ZNF778: variants seen among roughly 807,000 people sequenced by gnomAD.
ZNF778 encodes the protein zinc finger protein 778.
ZNF778 carries 37 observed loss-of-function variants against 23.9 expected under a neutral mutation model. The observed-to-expected ratio is 1.54, with a 90% CI of 1.19 to 2.03. ZNF778 has a LOEUF of 2.03. Ranked by LOEUF, ZNF778 falls within the 30% of genes most tolerant of loss-of-function variation. The pLI, the probability that ZNF778 is intolerant of heterozygous loss-of-function variation, is 0.00. For missense variants in ZNF778, 1,297 were observed against 934.4 expected (o/e 1.39, Z -5.06); for synonymous variants, 483 against 343.9 (o/e 1.40, Z -4.48).
Position 89,234,031 on chromosome 16 carries a change from T to A in ZNF778, c.*5469T>A. ...CTGTGAAAACCCTGTGGCCTCTGCCTCCCCTGGCTCTGACTTCTGCCTCCT... is the reference window on the plus strand; with the variant it reads ...CTGTGAAAACCCTGTGGCCTCTGCCACCCCTGGCTCTGACTTCTGCCTCCT... On this transcript the variant is annotated 3_prime_UTR_variant, in exon 7 of 7. Transcript: ENST00000433976. 2 of 1,005,164 alleles carry A rather than the reference T, an allele frequency of 2.0e-6. No individual in the cohort carries two copies. Among genetic ancestry groups the A allele is most frequent in the Non-Finnish European group, 2.7e-6 (2 of 729,172 alleles). 62.3% of individuals were successfully genotyped at this position (1,005,164 alleles called of 1,614,324 possible).
intron 6 of ZNF778, among the ~76,000 whole-genome samples, chr16:89,226,097 A>G (rs553967793): frequency 6.6e-6 from 1 of 151,350 alleles, no homozygotes; most frequent in South Asian, 2.1e-4. Flanking sequence ...TTTTTAGTAG[A>G]GACGGGGTTT....
intron 1 of ZNF778, chr16:89,218,298 C>G (rs549340835): frequency 6.6e-5 from 10 of 152,244 alleles, no homozygotes; most frequent in Non-Finnish European, 1.2e-4. Context: ...CCACTGCAAT[C>G]GTTTTACTCC....
At chr16:89,224,915 G>C (rs921150490) in intron 5 of ZNF778, 113 bp downstream of exon 5, 1 of 757,608 alleles carries the variant, frequency 1.3e-6, no homozygotes, top group Non-Finnish European at 2.2e-6. Flanking sequence ...GGCTGTGGGA[G>C]GATCCTGAGT....
At position 89,228,729 on chromosome 16, in the gene ZNF778, G is replaced by T. The variant is rs2031730468; in HGVS notation, c.*167G>T. 2 of 1,425,010 alleles carry T rather than the reference G, an allele frequency of 1.4e-6. No individual in the cohort carries two copies. The highest frequency in any genetic ancestry group is 1.4e-5 in the African/African-American group (1 of 69,478). The allele number at this position is 1,425,010 out of a possible 1,614,324, so 88.3% of individuals were successfully genotyped here. A position where few individuals can be genotyped will look rare whatever the true frequency, so the allele number is the denominator to read the frequency against. ...CCTGGAGCCCTATGCAGCAGACACAGAGAAAGCCCTCAGTGTTCTCTAAGG... is the reference window on the plus strand; with the variant it reads ...CCTGGAGCCCTATGCAGCAGACACATAGAAAGCCCTCAGTGTTCTCTAAGG... On this transcript the variant is annotated 3_prime_UTR_variant, in exon 7 of 7. Coordinates refer to ENST00000433976, the MANE Select transcript of ZNF778 (RefSeq NM_001201407.2).
In ZNF778 at chr16:89,222,076, CTTCT is replaced by C. The variant is rs1417225343; in HGVS notation, c.26-13_26-10del. On this transcript the variant is annotated splice_polypyrimidine_tract_variant and intron_variant, in intron 2 of 6. Coordinates refer to ENST00000433976, the MANE Select transcript of ZNF778 (RefSeq NM_001201407.2). ...GCTCTGGGTTCTCATGCCTTCTTGC[CTTCT>C]TTGTTTTTTAGGAGGTCATGTTTCT... 1.3e-6 allele frequency: 2 copies of C among 1,576,454 alleles called. No individual in the cohort carries two copies. The highest frequency in any genetic ancestry group is 1.7e-6 in the Non-Finnish European group (2 of 1,155,066).
At chr16:89,225,402 A>G (rs1415705682) in intron 5 of ZNF778, among the ~76,000 whole-genome samples, 153 bp from the exon 6 acceptor site, 3 of 152,064 alleles carry the variant, frequency 2.0e-5, no homozygotes, top group Non-Finnish European at 4.4e-5. Flanking sequence ...AAAATCTTCT[A>G]AATTATGACT....
intron 3 of ZNF778, among the ~76,000 whole-genome samples, chr16:89,222,893 G>A (rs907716132): frequency 1.1e-5 from 1 of 94,936 alleles, no homozygotes; most frequent in Admixed American, 1.4e-4. Context: ...GCGGCCGTGT[G>A]ACTGGAGGAG....
Position 89,233,365 on chromosome 16 carries a change from TCG to T in ZNF778, c.*4805_*4806del. The T allele has an allele frequency of 1.2e-6, 1 of 800,916 alleles. No homozygotes were observed. The highest frequency in any genetic ancestry group is 3.1e-5 in the Admixed American group (1 of 31,882). 49.6% of individuals were successfully genotyped at this position (800,916 alleles called of 1,614,324 possible). A position where few individuals can be genotyped will look rare whatever the true frequency, so the allele number is the denominator to read the frequency against. On this transcript the variant is annotated 3_prime_UTR_variant, in exon 7 of 7. Transcript: ENST00000433976. ...ACTCAGCTCGCACTGCGTATGCAAC[TCG>T]CACTGCGTATGCAACTCAACTCGCA...
intron 1 of ZNF778, among the ~76,000 whole-genome samples, chr16:89,218,913 G>T (rs1425228703): frequency 6.6e-6 from 1 of 152,202 alleles, no homozygotes; most frequent in South Asian, 2.1e-4. Flanking sequence ...TTCAAGACCA[G>T]CCTGACTAAC....
In ZNF778 at chr16:89,230,474, C is replaced by G. The variant is rs1265348654; in HGVS notation, c.*1912C>G. 2.0e-5 allele frequency: 3 copies of G among 151,980 alleles called. No homozygotes were observed. Among genetic ancestry groups the G allele is most frequent in the African/African-American group, 7.3e-5 (3 of 41,290 alleles). 9.4% of individuals were successfully genotyped at this position (151,980 alleles called of 1,614,324 possible). On this transcript the variant is annotated 3_prime_UTR_variant, in exon 7 of 7. Coordinates refer to ENST00000433976, the MANE Select transcript of ZNF778 (RefSeq NM_001201407.2). ...GCACTGATGAGGCAGCTGCTGTGAT[C>G]CGGCATTCATGGGGCAGCTGCTGCG...
Position 89,226,871 on chromosome 16 carries a change from G to C in ZNF778, c.583G>C (p.Glu195Gln). ...CCAGAAAACCTTGTTCAAAATTGGA[G>C]AGCAGTTTTCCGTGTTGGGTCAGTG... ...PCQKTLFKIG[E>Q]QFSVLGQCGK... Residue 195 changes from glutamate (E) to glutamine (Q), a missense_variant, in exon 7 of 7, where the codon GAG becomes CAG. Physicochemically the swap from Glu to Gln is conservative, Grantham distance 29. Transcript: ENST00000433976. 6.2e-7 allele frequency: 1 copy of C among 1,614,026 alleles called. No individual in the cohort carries two copies. The highest frequency in any genetic ancestry group is 2.2e-5 in the East Asian group (1 of 44,878).
At position 89,227,765 on chromosome 16, in the gene ZNF778, A is replaced by T. The variant is rs1261356778; in HGVS notation, c.1477A>T (p.Thr493Ser). 3 of 1,613,168 alleles carry T rather than the reference A, an allele frequency of 1.9e-6. No individual in the cohort carries two copies. In the South Asian group the frequency reaches 3.3e-5, roughly 18 times the overall value. ...GKSFTVSSSL[T>S]EHARIHTGEK... ...ATCCTTCACTGTTTCTTCAAGCCTG[A>T]CTGAGCACGCGAGAATCCATACCGG... The change falls in exon 7 of 7, where the codon ACT becomes TCT. Residue 493 changes from threonine (T) to serine (S), a missense_variant. By Grantham distance (58) the Thr-to-Ser change is moderately conservative. Transcript: ENST00000433976.
rs190701309 is a variant in ZNF778, at chr16:89,235,435, G to A, written c.*6873G>A. ...GGCCTGTGAGGTTGACCACTCTGTA[G>A]GTGGACGAGCCTCGCCCGAGAAGAG... On this transcript the variant is annotated 3_prime_UTR_variant, in exon 7 of 7. Coordinates refer to ENST00000433976, the MANE Select transcript of ZNF778 (RefSeq NM_001201407.2). 6.6e-5 allele frequency: 10 copies of A among 152,350 alleles called. No individual in the cohort carries two copies. The highest frequency in any genetic ancestry group is 2.2e-4 in the African/African-American group (9 of 41,566). 9.4% of individuals were successfully genotyped at this position (152,350 alleles called of 1,614,324 possible). A position where few individuals can be genotyped will look rare whatever the true frequency, so the allele number is the denominator to read the frequency against.
In ZNF778 at chr16:89,234,126, A is replaced by C. The variant is rs948023663; in HGVS notation, c.*5564A>C. The C allele has an allele frequency of 5.2e-5, 25 of 477,844 alleles. No homozygotes were observed. Among genetic ancestry groups the C allele is most frequent in the Admixed American group, 1.5e-4 (6 of 41,170 alleles). The allele number at this position is 477,844 out of a possible 1,614,324, so 29.6% of individuals were successfully genotyped here. On this transcript the variant is annotated 3_prime_UTR_variant, in exon 7 of 7. Coordinates refer to ENST00000433976, the MANE Select transcript of ZNF778 (RefSeq NM_001201407.2). ...CCGCCTTCTCTTGACACTGTGAGTG[A>C]TAAACTTTCCATGTCAGGAACCTGT... is the stretch of plus-strand genomic sequence containing the variant.
Position 89,231,248 on chromosome 16 carries a change from A to T in ZNF778, c.*2686A>T, listed in dbSNP as rs929415489. ...GGCTCCTGGACTGGTCTCAGGTGACATCCTGATTGGCTGAAATAAGTCCTG... is the reference window on the plus strand; with the variant it reads ...GGCTCCTGGACTGGTCTCAGGTGACTTCCTGATTGGCTGAAATAAGTCCTG... On this transcript the variant is annotated 3_prime_UTR_variant, in exon 7 of 7. Coordinates refer to ENST00000433976, the MANE Select transcript of ZNF778 (RefSeq NM_001201407.2). 10 of 152,294 alleles carry T rather than the reference A, an allele frequency of 6.6e-5. No homozygotes were observed. The highest frequency in any genetic ancestry group is 2.4e-4 in the African/African-American group (10 of 41,458). 9.4% of individuals were successfully genotyped at this position (152,294 alleles called of 1,614,324 possible).
chr16:89,229,721 G>A lies in ZNF778; in HGVS notation c.*1159G>A, dbSNP rs2031807711. ...TGGTTAGTCTTGAGGATCCAGATGT[G>A]ATCCTGTGTGAGCAGCGTAGGCTCT... On this transcript the variant is annotated 3_prime_UTR_variant, in exon 7 of 7. Transcript: ENST00000433976. 1.0e-6 allele frequency: 1 copy of A among 984,412 alleles called. No homozygotes were observed. Among genetic ancestry groups the A allele is most frequent in the Admixed American group, 6.2e-5 (1 of 16,186 alleles). 61.0% of individuals were successfully genotyped at this position (984,412 alleles called of 1,614,324 possible).
At position 89,226,843 on chromosome 16, in the gene ZNF778, A is replaced by G. The variant is rs779057917; in HGVS notation, c.555A>G (p.Pro185=). 10 of 1,614,010 alleles carry G rather than the reference A, an allele frequency of 6.2e-6. No individual in the cohort carries two copies. Among genetic ancestry groups the G allele is most frequent in the African/African-American group, 4.0e-5 (3 of 75,038 alleles). The change falls in exon 7 of 7, where the codon CCA becomes CCG. Residue 185 remains proline, a synonymous_variant. Coordinates refer to ENST00000433976, the MANE Select transcript of ZNF778 (RefSeq NM_001201407.2). The part of the protein sequence containing the change: ...SNHYERDFFI[P]CQKTLFKIGE... The stretch of plus-strand genomic sequence containing the variant: ...ATTATGAAAGGGACTTTTTTATTCC[A>G]TGCCAGAAAACCTTGTTCAAAATTG...
At position 89,223,429 on chromosome 16, in the gene ZNF778, G is replaced by A. The variant is rs2151631648; in HGVS notation, c.244+146G>A. ...TGCTAGTAGGCTTGGTGCTAGTGTG[G>A]TCGTTTCCAGAATGTGGTCCTGGGG... is the stretch of plus-strand genomic sequence containing the variant. On this transcript the variant is annotated intron_variant, in intron 4 of 6. Transcript: ENST00000433976. 6 of 1,130,216 alleles carry A rather than the reference G, an allele frequency of 5.3e-6. No individual in the cohort carries two copies. In the East Asian group the frequency reaches 1.2e-4, roughly 23 times the overall value. The allele number at this position is 1,130,216 out of a possible 1,614,324, so 70.0% of individuals were successfully genotyped here. A position where few individuals can be genotyped will look rare whatever the true frequency, so the allele number is the denominator to read the frequency against.
At position 89,233,668 on chromosome 16, in the gene ZNF778, C is replaced by T; in HGVS notation, c.*5106C>T. 7.8e-7 allele frequency: 1 copy of T among 1,286,810 alleles called. No individual in the cohort carries two copies. 79.7% of individuals were successfully genotyped at this position (1,286,810 alleles called of 1,614,324 possible). A position where few individuals can be genotyped will look rare whatever the true frequency, so the allele number is the denominator to read the frequency against. On this transcript the variant is annotated 3_prime_UTR_variant, in exon 7 of 7. Coordinates refer to ENST00000433976, the MANE Select transcript of ZNF778 (RefSeq NM_001201407.2). Reference sequence around the variant, plus strand: ...CGCTCTGCATATGCAATTCAACTCGCACTGCGTATGCAAATCAACTTACTG... The same window carrying T: ...CGCTCTGCATATGCAATTCAACTCGTACTGCGTATGCAAATCAACTTACTG...
Sources: gnomAD v4.1 joint callset for allele counts (sites outside exome capture counted in the v4.1 genomes callset) on GRCh38, gnomAD v4.1.1 for gene constraint, MANE v1.5 for transcripts, NCBI Gene and HGNC (gene_info 2026-07-23, HGNC 2026-07-21) for gene names.